Variants in PRDM11 observed in about 807,000 individuals in gnomAD.
PRDM11 encodes PR/SET domain 11.
Under a neutral mutation model 97.8 loss-of-function variants are expected in PRDM11, and 20 were observed. The observed-to-expected ratio is 0.20, with a 90% CI of 0.14 to 0.30. PRDM11 has a LOEUF of 0.30. PRDM11 is among the 10% of genes least tolerant of loss of function. PRDM11 has a pLI of 1.00. For missense variants in PRDM11, 1,139 were observed against 1,555.2 expected, an observed-to-expected ratio of 0.73 and a Z score of 4.50; for synonymous variants, 599 against 637.7, an observed-to-expected ratio of 0.94 and a Z score of 0.91.
Position 45,224,607 on chromosome 11 carries a change from T to C in PRDM11, c.1133T>C (p.Leu378Ser). Residue 378 changes from leucine to serine, a missense_variant, in exon 7 of 8, where the codon TTG becomes TCG. Leu to Ser is a moderately radical substitution (Grantham distance 145). This residue lies in a region of PRDM11 where 429 missense variants were observed against 510.3 expected (regional missense o/e 0.84). Coordinates refer to ENST00000683152, the MANE Select transcript of PRDM11 (RefSeq NM_001384648.1). ...PQGVSKEPGQ[L>S]EDEEEEPSSF... ...GGGGTCTCCAAGGAGCCAGGCCAAT[T>C]GGAGGATGAAGAAGAGGAGCCTTCA... 6.2e-7 allele frequency: 1 copy of C among 1,614,084 alleles called. No homozygotes were observed. The highest frequency in any genetic ancestry group is 8.5e-7 in the Non-Finnish European group (1 of 1,180,006).
In PRDM11 at chr11:45,226,714, C is replaced by T. The variant is rs1854283616; in HGVS notation, c.2089C>T (p.Leu697=). The change falls in exon 8 of 8, where the codon CTG becomes TTG. Residue 697 remains leucine (L), a synonymous_variant. Transcript: ENST00000683152. ...CACAGAGTTCCTGTCCCTGCAGGAG[C>T]TGGGATTCTCTAGCACAGAAAGCTA... ...PATEFLSLQE[L]GFSSTESYLQ... is the part of the protein sequence containing the mutation. 2 of 1,533,982 alleles carry T rather than the reference C, an allele frequency of 1.3e-6. No individual in the cohort carries two copies. Among genetic ancestry groups the T allele is most frequent in the African/African-American group, 1.4e-5 (1 of 73,098 alleles).
At chr11:45,157,426 G>A (rs1376652264) in intron 1 of PRDM11, among the ~76,000 whole-genome samples, 2 of 152,158 alleles carry the variant, frequency 1.3e-5, no homozygotes, top group African/African-American at 4.8e-5. Flanking sequence ...GCAGAGCTCA[G>A]GCGTTAATGC....
intron 1 of PRDM11, among the ~76,000 whole-genome samples, chr11:45,161,086 A>C (rs987227144): frequency 3.3e-5 from 5 of 152,262 alleles, no homozygotes; most frequent in Admixed American, 3.3e-4. Context: ...GGAATGCCAC[A>C]TAACCTCTCT....
At chr11:45,097,542 G>A (rs1162769882) in intron 1 of PRDM11, among the ~76,000 whole-genome samples, 1 of 152,240 alleles carries the variant, frequency 6.6e-6, no homozygotes, top group Non-Finnish European at 1.5e-5. Context: ...AGATCACACA[G>A]GGGTAATGGG....
chr11:45,223,315 T>C (rs1230209628), intron 6 of PRDM11, among the ~76,000 whole-genome samples: 1 of 152,052 alleles, frequency 6.6e-6, no homozygotes, highest in African/African-American at 2.4e-5. Flanking sequence ...AAAATAAAAA[T>C]TAAAAACAAG....
chr11:45,209,660 G>A (rs1040280829), intron 5 of PRDM11, among the ~76,000 whole-genome samples: 4 of 152,164 alleles, frequency 2.6e-5, no homozygotes, highest in African/African-American at 4.8e-5. Flanking sequence ...AGGAGGTCCC[G>A]AGAGCAGGGC....
At chr11:45,136,206 T>C (rs575807795) in intron 1 of PRDM11, among the ~76,000 whole-genome samples, 1 of 152,350 alleles carries the variant, frequency 6.6e-6, no homozygotes, top group East Asian at 1.9e-4. Flanking sequence ...ATCTAGTTTT[T>C]AAAAGTTCCA....
At position 45,146,804 on chromosome 11, in the gene PRDM11, C is replaced by T. The variant is rs1484559249; in HGVS notation, c.-80C>T. 6.8e-6 allele frequency: 1 copy of T among 146,550 alleles called. No homozygotes were observed. 9.1% of individuals were successfully genotyped at this position (146,550 alleles called of 1,614,324 possible). On this transcript the variant is annotated 5_prime_UTR_variant, in exon 1 of 8. Coordinates refer to ENST00000683152, the MANE Select transcript of PRDM11 (RefSeq NM_001384648.1). Reference sequence around the variant, plus strand: ...GCGGGGGCCGCCAGCCGAGGCCGCGCCGCCTCCGCCGAGCCGCCCGCCGGG... The same window carrying T: ...GCGGGGGCCGCCAGCCGAGGCCGCGTCGCCTCCGCCGAGCCGCCCGCCGGG...
intron 1 of PRDM11, among the ~76,000 whole-genome samples, chr11:45,113,263 C>T (rs1852223492): frequency 6.6e-6 from 1 of 152,072 alleles, no homozygotes; most frequent in Non-Finnish European, 1.5e-5. Context: ...GTTGGCTGTA[C>T]TTATTTGGCT....
intron 5 of PRDM11, chr11:45,214,806 G>A (rs890588763): frequency 2.0e-5 from 3 of 152,208 alleles, no homozygotes; most frequent in East Asian, 1.9e-4. Flanking sequence ...TGAAAACCTC[G>A]AGGACCCCAA....
chr11:45,129,927 C>T (rs1296219335), intron 1 of PRDM11, among the ~76,000 whole-genome samples: 2 of 152,066 alleles, frequency 1.3e-5, no homozygotes, highest in Non-Finnish European at 2.9e-5. Context: ...GGTGCAAAGA[C>T]AGATAAATAG....
chr11:45,224,918 C>G lies in PRDM11; in HGVS notation c.1369+75C>G, dbSNP rs371411996. 5.6e-6 allele frequency: 9 copies of G among 1,599,166 alleles called. No homozygotes were observed. In the African/African-American group the frequency reaches 9.4e-5, roughly 17 times the overall value. On this transcript the variant is annotated intron_variant, in intron 7 of 7. Transcript: ENST00000683152. Reference sequence around the variant, plus strand: ...GCTGTGTGGAGGGTAGCCTAAAGCTCTCTGTGGAAACCACCTTCCGGGAGA... The same window carrying G: ...GCTGTGTGGAGGGTAGCCTAAAGCTGTCTGTGGAAACCACCTTCCGGGAGA...
At chr11:45,124,646 G>C (rs1218451426) in intron 1 of PRDM11, among the ~76,000 whole-genome samples, 1 of 152,182 alleles carries the variant, frequency 6.6e-6, no homozygotes, top group East Asian at 1.9e-4. Context: ...TACATTTATT[G>C]ATTTGCATAT....
In PRDM11 at chr11:45,224,795, G is replaced by A. The variant is rs765759427; in HGVS notation, c.1321G>A (p.Val441Ile). ...LKSGKLPEPP[V>I]LPPQVLELPE... is the part of the protein sequence containing the mutation. Reference sequence around the variant, plus strand: ...GTCTGGGAAACTTCCTGAGCCCCCCGTATTGCCACCACAGGTACTGGAGCT... The same window carrying A: ...GTCTGGGAAACTTCCTGAGCCCCCCATATTGCCACCACAGGTACTGGAGCT... The change falls in exon 7 of 8, where the codon GTA becomes ATA. Residue 441 changes from valine (V) to isoleucine (I), a missense_variant. By Grantham distance (29) the Val-to-Ile change is conservative (BLOSUM62 3). This residue lies in a region of PRDM11 where 710 missense variants were observed against 1,044.9 expected (regional missense o/e 0.68). Coordinates refer to ENST00000683152, the MANE Select transcript of PRDM11 (RefSeq NM_001384648.1). 2.1e-5 allele frequency: 34 copies of A among 1,614,026 alleles called. No individual in the cohort carries two copies. Among genetic ancestry groups the A allele is most frequent in the East Asian group, 4.5e-5 (2 of 44,896 alleles).
chr11:45,152,292 C>T (rs1013466186), intron 1 of PRDM11, among the ~76,000 whole-genome samples: 24 of 152,110 alleles, frequency 1.6e-4, no homozygotes, highest in African/African-American at 5.6e-4. Flanking sequence ...GTCTTGAACT[C>T]CCGACCTCAA....
intron 1 of PRDM11, among the ~76,000 whole-genome samples, chr11:45,157,512 G>A (rs1201818120): frequency 1.3e-5 from 2 of 152,180 alleles, no homozygotes; most frequent in Non-Finnish European, 2.9e-5. Flanking sequence ...ACCCATCCGT[G>A]GTCCAGGGGT....
chr11:45,109,346 GAC>G (rs1484528079), intron 1 of PRDM11, among the ~76,000 whole-genome samples: 1 of 152,172 alleles, frequency 6.6e-6, no homozygotes, highest in Non-Finnish European at 1.5e-5. Context: ...GACACCCAGA[GAC>G]AGCAGTGCCC....
chr11:45,142,824 G>C (rs1178258666), upstream of PRDM11, among the ~76,000 whole-genome samples: 2 of 152,188 alleles, frequency 1.3e-5, no homozygotes, highest in African/African-American at 4.8e-5. Flanking sequence ...TTAACATGAG[G>C]CCTGTGGAAT....
intron 6 of PRDM11, among the ~76,000 whole-genome samples, chr11:45,223,703 A>C (rs1254628012): frequency 6.6e-6 from 1 of 152,178 alleles, no homozygotes. Context: ...ACTTTGCCTT[A>C]AGTAGGCTGT....
Sources: gnomAD v4.1 joint callset for allele counts (sites outside exome capture counted in the v4.1 genomes callset) on GRCh38, gnomAD v4.1.1 for gene constraint, gnomAD v4.1.1 regional missense constraint, MANE v1.5 for transcripts, NCBI Gene and HGNC (gene_info 2026-07-23, HGNC 2026-07-21) for gene names.